UBA2: variants seen among roughly 807,000 people sequenced by gnomAD.
The protein encoded by UBA2 is ubiquitin like modifier activating enzyme 2, also known as SUMO-activating enzyme subunit 2.
UBA2 carries 11 observed loss-of-function variants against 77.2 expected under a neutral mutation model. The ratio of observed to expected loss-of-function variants is 0.14; its 90% CI spans 0.09 to 0.24. UBA2 has a LOEUF of 0.24. Ranked by LOEUF, UBA2 falls within the 10% of genes least tolerant of loss-of-function variation. UBA2 has a pLI of 1.00. For missense variants in UBA2, 487 were observed against 781.7 expected, an observed-to-expected ratio of 0.62 and a Z score of 4.50; for synonymous variants, 278 against 276.7, an observed-to-expected ratio of 1.00 and a Z score of -0.05.
intron 12 of UBA2, among the ~76,000 whole-genome samples, chr19:34,454,895 C>CCCCCG (rs1173962554): frequency 6.6e-6 from 1 of 152,070 alleles, no homozygotes; most frequent in Non-Finnish European, 1.5e-5. Flanking sequence ...ATTTTATAGT[C>CCCCCG]CCCTGTTCAG....
At chr19:34,431,145 T>G (rs1271105767) in intron 2 of UBA2, among the ~76,000 whole-genome samples, 1 of 152,070 alleles carries the variant, frequency 6.6e-6, no homozygotes, top group Admixed American at 6.6e-5. Flanking sequence ...ATATTTTGGC[T>G]TCCTCCTCCA....
rs556548807 is a variant in UBA2, at chr19:34,444,143, C to T, written c.649+232C>T. ...TATAATCTCGGCTCACTGCAACCTCCGCCTTCTGGGTTCAAATGATTCTCC... is the reference window on the plus strand; with the variant it reads ...TATAATCTCGGCTCACTGCAACCTCTGCCTTCTGGGTTCAAATGATTCTCC... On this transcript the variant is annotated intron_variant, in intron 7 of 16. Coordinates refer to ENST00000246548, the MANE Select transcript of UBA2 (RefSeq NM_005499.3). Among the ~76,000 whole-genome samples the T allele has an allele frequency of 5.9e-4, 89 of 150,000 alleles. 3 individuals carry two copies. The highest frequency in any genetic ancestry group is 1.9e-4 in the Non-Finnish European group (13 of 67,654).
chr19:34,441,306 T>G (rs1599899982), intron 6 of UBA2, among the ~76,000 whole-genome samples: 1 of 151,796 alleles, frequency 6.6e-6, no homozygotes, highest in Non-Finnish European at 1.5e-5. Context: ...ATAAAAAAAA[T>G]TAGCCGGATG....
chr19:34,468,029 T>G (rs1009970116), intron 16 of UBA2, among the ~76,000 whole-genome samples: 1 of 152,234 alleles, frequency 6.6e-6, no homozygotes, highest in Non-Finnish European at 1.5e-5. Flanking sequence ...GTCACCAGTA[T>G]GACTTGGGTA....
Position 34,428,557 on chromosome 19 carries a change from C to G in UBA2, c.125C>G (p.Ser42Cys). ...LLKNLVLTGF[S>C]HIDLIDLDTI... ...AAGAATCTCGTGCTCACCGGTTTCT[C>G]CCACATCGACCTGGTGAGGGCCGGG... is the stretch of plus-strand genomic sequence containing the variant. Residue 42 changes from serine (S) to cysteine (C), a missense_variant, in exon 1 of 17, where the codon TCC becomes TGC. Ser to Cys is a moderately radical substitution (Grantham distance 112). This residue lies in a region of UBA2 where 19 missense variants were observed against 17.7 expected (regional missense o/e 1.07). Transcript: ENST00000246548. 2 of 1,307,942 alleles carry G rather than the reference C, an allele frequency of 1.5e-6. No individual in the cohort carries two copies. Among genetic ancestry groups the G allele is most frequent in the South Asian group, 3.2e-5 (1 of 31,138 alleles). 81.0% of individuals were successfully genotyped at this position (1,307,942 alleles called of 1,614,324 possible).
intron 10 of UBA2, among the ~76,000 whole-genome samples, chr19:34,454,044 A>T (rs1450376827): frequency 2.6e-5 from 4 of 152,074 alleles, no homozygotes; most frequent in African/African-American, 9.7e-5. Flanking sequence ...CAGACTCATT[A>T]CTGGACCAGA....
chr19:34,444,696 A>G (rs997686796), intron 7 of UBA2, among the ~76,000 whole-genome samples: 3 of 152,202 alleles, frequency 2.0e-5, no homozygotes, highest in Non-Finnish European at 2.9e-5. Flanking sequence ...AGTCCCAACT[A>G]CTTGTGAGGT....
chr19:34,448,074 T>C (rs973458317), intron 8 of UBA2, among the ~76,000 whole-genome samples: 1 of 152,062 alleles, frequency 6.6e-6, no homozygotes, highest in Non-Finnish European at 1.5e-5. Context: ...AGCAAGACAG[T>C]GGGAATCCAT....
chr19:34,458,283 C>T (rs1257739434), intron 12 of UBA2, among the ~76,000 whole-genome samples: 1 of 151,870 alleles, frequency 6.6e-6, no homozygotes, highest in Non-Finnish European at 1.5e-5. Flanking sequence ...AGGCCGGGCG[C>T]GGTGGCTCAC....
chr19:34,463,773 C>T (rs1304161371), intron 14 of UBA2, among the ~76,000 whole-genome samples: 1 of 152,128 alleles, frequency 6.6e-6, no homozygotes, highest in Non-Finnish European at 1.5e-5. Flanking sequence ...TGCCTTCCTC[C>T]TCCTATAAGG....
rs756864177 is a variant in UBA2 at position 34,460,506 on chromosome 19, G to C, written c.1438G>C (p.Val480Leu). Reference protein sequence around the residue: ...KEKFAMVAPDVQIEDGKGTIL... With the variant: ...KEKFAMVAPDLQIEDGKGTIL... ...AAAATTTGCTATGGTAGCACCAGAT[G>C]TCCAAATTGAAGATGGGAAAGGAAC... is the stretch of plus-strand genomic sequence containing the variant. The change falls in exon 14 of 17, where the codon GTC becomes CTC. Residue 480 changes from valine to leucine, a missense_variant. Physicochemically the swap from Val to Leu is conservative, Grantham distance 32. Transcript: ENST00000246548. 2.5e-6 allele frequency: 4 copies of C among 1,607,154 alleles called. No individual in the cohort carries two copies. The highest frequency in any genetic ancestry group is 2.5e-6 in the Non-Finnish European group (3 of 1,177,114).
intron 15 of UBA2, among the ~76,000 whole-genome samples, chr19:34,465,574 T>C: frequency 6.7e-6 from 1 of 149,130 alleles, no homozygotes. Context: ...GAGCCGAGTT[T>C]GCAGTGAGCC....
In UBA2 at chr19:34,428,568, C is replaced by T; in HGVS notation, c.136C>T (p.Leu46=). 8.0e-7 allele frequency: 1 copy of T among 1,254,628 alleles called. No individual in the cohort carries two copies. Among genetic ancestry groups the T allele is most frequent in the Non-Finnish European group, 1.0e-6 (1 of 986,502 alleles). The allele number at this position is 1,254,628 out of a possible 1,614,324, so 77.7% of individuals were successfully genotyped here. The part of the protein sequence containing the change: ...LVLTGFSHID[L]IDLDTIDVSN... ...GCTCACCGGTTTCTCCCACATCGACCTGGTGAGGGCCGGGCGCGCGCGCGT... is the reference window on the plus strand; with the variant it reads ...GCTCACCGGTTTCTCCCACATCGACTTGGTGAGGGCCGGGCGCGCGCGCGT... Residue 46 remains leucine (L), a splice_region_variant and synonymous_variant, in exon 1 of 17, where the codon CTG becomes TTG. Transcript: ENST00000246548.
At chr19:34,438,254 C>T (rs2075331875) in intron 5 of UBA2, among the ~76,000 whole-genome samples, 1 of 149,972 alleles carries the variant, frequency 6.7e-6, no homozygotes, top group South Asian at 2.1e-4. Flanking sequence ...AAGAAAATGG[C>T]TGCGAATAAT....
intron 10 of UBA2, among the ~76,000 whole-genome samples, chr19:34,453,570 C>G (rs2075525876): frequency 6.9e-6 from 1 of 145,010 alleles, no homozygotes; most frequent in Non-Finnish European, 1.5e-5. Flanking sequence ...GTCACCAAGG[C>G]TGGAGTGCAG....
At chr19:34,447,410 A>G (rs2075443841) in intron 8 of UBA2, among the ~76,000 whole-genome samples, 1 of 152,222 alleles carries the variant, frequency 6.6e-6, no homozygotes, top group African/African-American at 2.4e-5. Flanking sequence ...ATTAAGCATC[A>G]TAATGGTTTT....
chr19:34,469,076 A>G lies in UBA2; in HGVS notation c.1778A>G (p.Asp593Gly). ...GATGACGTTCTCATAGTTGATTCAG[A>G]TGAAGAAGATTCTTCAAATAATGCC... ...EQDDVLIVDS[D>G]EEDSSNNADV... The change falls in exon 17 of 17, where the codon GAT becomes GGT. Residue 593 changes from aspartate (D) to glycine (G), a missense_variant. Asp to Gly is a moderately conservative substitution (Grantham distance 94, BLOSUM62 -1). This residue lies in a region of UBA2 where 40 missense variants were observed against 36.6 expected (regional missense o/e 1.09). Coordinates refer to ENST00000246548, the MANE Select transcript of UBA2 (RefSeq NM_005499.3). 1 of 1,609,674 alleles carries G rather than the reference A, an allele frequency of 6.2e-7. No homozygotes were observed. Among genetic ancestry groups the G allele is most frequent in the Non-Finnish European group, 8.5e-7 (1 of 1,178,882 alleles).
chr19:34,458,438 T>C (rs2075593880), intron 12 of UBA2, among the ~76,000 whole-genome samples: 1 of 151,304 alleles, frequency 6.6e-6, no homozygotes, highest in Admixed American at 6.6e-5. Context: ...CGGGCGCCTG[T>C]AGTCCCAGCT....
At chr19:34,436,969 A>T (rs1430448989) in intron 5 of UBA2, among the ~76,000 whole-genome samples, 1 of 152,192 alleles carries the variant, frequency 6.6e-6, no homozygotes, top group African/African-American at 2.4e-5. Context: ...GCATTGCAGT[A>T]TGAGTCTCAT....
Sources: allele counts gnomAD v4.1 joint callset (sites outside exome capture counted in the v4.1 genomes callset), GRCh38; gene constraint gnomAD v4.1.1; regional missense constraint gnomAD v4.1.1; transcripts MANE v1.5; gene names NCBI Gene and HGNC (gene_info 2026-07-23, HGNC 2026-07-21).